DHRSX: variants seen among roughly 807,000 people sequenced by gnomAD.
The protein encoded by DHRSX is dehydrogenase/reductase X-linked.
In DHRSX, 31 loss-of-function variants were observed where a neutral mutation model predicts 34.0. That is an observed-to-expected ratio of 0.91 (90% CI 0.69 to 1.23). The LOEUF (loss-of-function observed/expected upper bound fraction) is 1.23. Ranked by LOEUF, DHRSX falls within the 50% of genes most tolerant of loss-of-function variation. DHRSX has a pLI of 0.00. For missense variants in DHRSX, 414 were observed against 428.1 expected (o/e 0.97, Z 0.29); for synonymous variants, 201 against 183.8 (o/e 1.09, Z -0.76).
At chrX:2,418,441 T>A (rs966355313) in intron 2 of DHRSX, among the ~76,000 whole-genome samples, 2 of 152,206 alleles carry the variant, frequency 1.3e-5, no homozygotes, top group African/African-American at 2.4e-5. Context: ...GACCTCATCA[T>A]GACCTAAACC....
At chrX:2,469,773 G>A (rs1468903100) in intron 1 of DHRSX, among the ~76,000 whole-genome samples, 2 of 145,650 alleles carry the variant, frequency 1.4e-5, no homozygotes, top group South Asian at 2.2e-4. Flanking sequence ...CACTGAAAAC[G>A]TTCCCTAAGA....
chrX:2,273,749 G>A (rs896993696), intron 4 of DHRSX, among the ~76,000 whole-genome samples: 5 of 152,208 alleles, frequency 3.3e-5, no homozygotes, highest in Admixed American at 1.3e-4. Context: ...CTGTTTCTGT[G>A]CTGGTTCTCT....
At chrX:2,338,251 T>C (rs1369193596) in intron 3 of DHRSX, among the ~76,000 whole-genome samples, 1 of 151,842 alleles carries the variant, frequency 6.6e-6, no homozygotes, top group Admixed American at 6.6e-5. Flanking sequence ...GAGAATCGCT[T>C]GAACCTGGGA....
intron 4 of DHRSX, among the ~76,000 whole-genome samples, chrX:2,269,815 C>T (rs1474671873): frequency 6.6e-6 from 1 of 152,148 alleles, no homozygotes; most frequent in Admixed American, 6.5e-5. Flanking sequence ...GCTGGGATTA[C>T]AGGCGTGAGA....
chrX:2,489,429 T>C, intron 1 of DHRSX: 1 of 1,613,788 alleles, frequency 6.2e-7, no homozygotes, highest in Non-Finnish European at 8.5e-7. Context: ...AGCGTGGTGT[T>C]CAGGAGCATG....
chrX:2,377,174 A>G (rs1461460857), intron 3 of DHRSX, among the ~76,000 whole-genome samples: 1 of 152,112 alleles, frequency 6.6e-6, no homozygotes, highest in East Asian at 1.9e-4. Context: ...ATAGAAAGAC[A>G]GTCACTGTGA....
chrX:2,331,336 T>TC (rs1569489952), intron 3 of DHRSX, among the ~76,000 whole-genome samples: 1 of 152,008 alleles, frequency 6.6e-6, no homozygotes, highest in Non-Finnish European at 1.5e-5. Flanking sequence ...ATTCACTTTT[T>TC]CCCGATTTCT....
intron 1 of DHRSX, among the ~76,000 whole-genome samples, chrX:2,443,428 T>C: frequency 6.6e-6 from 1 of 151,994 alleles, no homozygotes; most frequent in East Asian, 1.9e-4. Flanking sequence ...CAAGGCAGCA[T>C]GCAAAACCAC....
intron 1 of DHRSX, among the ~76,000 whole-genome samples, chrX:2,478,129 C>G: frequency 6.6e-6 from 1 of 152,300 alleles, no homozygotes; most frequent in East Asian, 1.9e-4. Flanking sequence ...CAGACCATTT[C>G]TTGGTATCAA....
intron 3 of DHRSX, among the ~76,000 whole-genome samples, chrX:2,385,942 G>C (rs1018353543): frequency 2.0e-5 from 3 of 152,064 alleles, no homozygotes; most frequent in Non-Finnish European, 4.4e-5. Context: ...CTTAGGATTT[G>C]TGGGCCATAA....
intron 1 of DHRSX, chrX:2,486,914 T>G (rs1471627785): frequency 6.6e-6 from 1 of 152,226 alleles, no homozygotes; most frequent in Admixed American, 6.5e-5. Flanking sequence ...AGGCAGGTAG[T>G]TCCTTTGCCC....
At chrX:2,390,906 T>G (rs2124620948) in intron 3 of DHRSX, among the ~76,000 whole-genome samples, 1 of 152,202 alleles carries the variant, frequency 6.6e-6, no homozygotes, top group East Asian at 1.9e-4. Context: ...ACAGTTTCTC[T>G]CCACCTTTTA....
chrX:2,353,805 G>A (rs1450251841), intron 3 of DHRSX, among the ~76,000 whole-genome samples: 5 of 151,848 alleles, frequency 3.3e-5, no homozygotes, highest in African/African-American at 4.8e-5. Context: ...GGCTGGTCTC[G>A]AACTCCTGAC....
intron 5 of DHRSX, among the ~76,000 whole-genome samples, chrX:2,262,855 A>C (rs2041382778): frequency 6.6e-6 from 1 of 152,214 alleles, no homozygotes; most frequent in Non-Finnish European, 1.5e-5. Flanking sequence ...AGGCTCACAG[A>C]CACAGGAGCT....
chrX:2,440,887 C>T (rs1159788459), intron 1 of DHRSX, among the ~76,000 whole-genome samples: 4 of 152,152 alleles, frequency 2.6e-5, no homozygotes, highest in African/African-American at 4.8e-5. Flanking sequence ...CAGTCCTATT[C>T]GTTCTGTCCC....
intron 5 of DHRSX, among the ~76,000 whole-genome samples, chrX:2,246,706 G>GAGAAAGAAAGAAAGAAAGGAAAGAAAGAA (rs2016296648): frequency 1.9e-5 from 2 of 107,406 alleles, no homozygotes; most frequent in African/African-American, 6.8e-5. Context: ...AAGAAAGAAA[G>GAGAAAGAAAGAAAGAAAGGAAAGAAAGAA]AGAAAGAAAG....
intron 5 of DHRSX, among the ~76,000 whole-genome samples, chrX:2,256,621 A>G (rs1182985459): frequency 6.6e-6 from 1 of 152,154 alleles, no homozygotes; most frequent in Middle Eastern, 3.2e-3. Context: ...TTGAGGAGAC[A>G]TGTTCTCTCA....
In DHRSX at chrX:2,355,511, TAAAAAAAAAAAAAAAA is replaced by T. The variant is rs767512287; in HGVS notation, c.286+53218_286+53233del. On this transcript the variant is annotated intron_variant, in intron 3 of 6. Transcript: ENST00000334651. ...TGGGTGACAAGAGCGAGACCCCATC[TAAAAAAAAAAAAAAAA>T]AAAAAAAAAAAAAAAAAAGACTATC... Among the ~76,000 whole-genome samples the T allele has an allele frequency of 1.3e-3, 97 of 75,300 alleles. 1 individual carries two copies. The highest frequency in any genetic ancestry group is 0.014 in the Middle Eastern group (2 of 148). 49.4% of individuals were successfully genotyped at this position (75,300 alleles called of 152,430 possible).
At chrX:2,263,512 C>CTTTTT (rs775187535) in intron 5 of DHRSX, among the ~76,000 whole-genome samples, 1 of 130,458 alleles carries the variant, frequency 7.7e-6, no homozygotes, top group African/African-American at 2.9e-5. Flanking sequence ...ATTTTTCTTT[C>CTTTTT]TTTTTTTTTT....
Sources: gnomAD v4.1 joint callset for allele counts (sites outside exome capture counted in the v4.1 genomes callset) on GRCh38, gnomAD v4.1.1 for gene constraint, MANE v1.5 for transcripts, NCBI Gene and HGNC (gene_info 2026-07-23, HGNC 2026-07-21) for gene names.